INSR: variants seen among roughly 807,000 people sequenced by gnomAD.
INSR encodes insulin receptor, also known as IR.
A neutral mutation model predicts 142.6 loss-of-function variants in INSR; 67 were observed. The ratio of observed to expected loss-of-function variants is 0.47; its 90% CI spans 0.39 to 0.58. The LOEUF is 0.58. Among genes scored for constraint, INSR ranks in the 20% least tolerant of loss-of-function variants. INSR has a pLI of 0.00. For missense variants in INSR, 1,248 were observed against 1,833.2 expected, an observed-to-expected ratio of 0.68 and a Z score of 5.83; for synonymous variants, 756 against 743.1, an observed-to-expected ratio of 1.02 and a Z score of -0.28.
At chr19:7,285,842 A>G (rs1050520547) in intron 1 of INSR, among the ~76,000 whole-genome samples, 3 of 152,122 alleles carry the variant, frequency 2.0e-5, no homozygotes, top group Non-Finnish European at 4.4e-5. Flanking sequence ...TAAAGGGGTG[A>G]ATTGAGGGAG....
At chr19:7,235,945 C>T (rs1428671417) in intron 2 of INSR, among the ~76,000 whole-genome samples, 1 of 150,144 alleles carries the variant, frequency 6.7e-6, no homozygotes, top group East Asian at 1.9e-4. Flanking sequence ...AGACTCCAAC[C>T]ACTTAGGAAA....
intron 2 of INSR, among the ~76,000 whole-genome samples, chr19:7,244,111 G>C (rs758230624): frequency 1.1e-4 from 17 of 152,026 alleles, no homozygotes; most frequent in Non-Finnish European, 2.4e-4. Flanking sequence ...TAAAGTATCT[G>C]GATTCAGGGT....
At chr19:7,287,614 A>G (rs758695204) in intron 1 of INSR, among the ~76,000 whole-genome samples, 10 of 152,218 alleles carry the variant, frequency 6.6e-5, no homozygotes, top group Non-Finnish European at 1.2e-4. Context: ...AAATAAATAC[A>G]CATGGCTAAG....
chr19:7,268,767 C>T (rs1967817833), intron 1 of INSR, among the ~76,000 whole-genome samples: 2 of 144,284 alleles, frequency 1.4e-5, no homozygotes, highest in Non-Finnish European at 1.6e-5. Flanking sequence ...GTTGTTTATT[C>T]CCCCAAACAT....
At chr19:7,266,259 A>G (rs1316210365) in intron 2 of INSR, among the ~76,000 whole-genome samples, 1 of 152,206 alleles carries the variant, frequency 6.6e-6, no homozygotes, top group East Asian at 1.9e-4. Context: ...CCATTTGTCA[A>G]TCTGCACCAA....
intron 2 of INSR, among the ~76,000 whole-genome samples, chr19:7,226,118 T>C (rs1433848778): frequency 6.6e-6 from 1 of 152,212 alleles, no homozygotes; most frequent in African/African-American, 2.4e-5. Flanking sequence ...TAAAAATGTC[T>C]GAGGATCGGC....
chr19:7,212,344 C>T (rs1975300808), intron 2 of INSR, among the ~76,000 whole-genome samples: 1 of 152,130 alleles, frequency 6.6e-6, no homozygotes, highest in African/African-American at 2.4e-5. Flanking sequence ...CCCTGGCTTC[C>T]CCACAGTCAC....
At chr19:7,184,662 G>GAGAGAGA in intron 2 of INSR, 25 bp from the exon 3 acceptor site, 1 of 982,332 alleles carries the variant, frequency 1.0e-6, no homozygotes, top group African/African-American at 2.6e-5. Flanking sequence ...AGAGAGAGAG[G>GAGAGAGA]GAAATAAATA....
intron 2 of INSR, among the ~76,000 whole-genome samples, chr19:7,249,510 T>C (rs6417197): frequency 0.99 from 150,117 of 152,170 alleles, 74,150 homozygotes; most frequent in Non-Finnish European, 1. Flanking sequence ...AGATGGAACC[T>C]CATATAGCTT....
intron 2 of INSR, among the ~76,000 whole-genome samples, chr19:7,256,292 C>A (rs1310068086): frequency 6.6e-6 from 1 of 151,846 alleles, no homozygotes; most frequent in East Asian, 1.9e-4. Flanking sequence ...ACAAAAAAAA[C>A]ACAACAATTA....
Position 7,119,381 on chromosome 19 carries a change from G to A in INSR, c.3794+68C>T. On this transcript the variant is annotated intron_variant, in intron 21 of 21. Transcript: ENST00000302850. The surrounding 1 kb of genome is among the most constrained non-coding windows in gnomAD (Gnocchi z 5.2). ...GTAGACATAGGAAAGGCAAAACCAA[G>A]CACACGTGTAAAGGGCAATACCCTT... is the stretch of plus-strand genomic sequence containing the variant. The A allele has an allele frequency of 1.3e-6, 2 of 1,588,596 alleles. No individual in the cohort carries two copies. The highest frequency in any genetic ancestry group is 3.3e-4 in the Middle Eastern group (2 of 6,012).
chr19:7,191,212 G>A (rs1450830561), intron 2 of INSR, among the ~76,000 whole-genome samples: 2 of 152,034 alleles, frequency 1.3e-5, no homozygotes, highest in Admixed American at 1.3e-4. Context: ...CAGCAGAATT[G>A]CTTGAACCCG....
At chr19:7,248,485 CA>C (rs758091489) in intron 2 of INSR, among the ~76,000 whole-genome samples, 76 of 35,418 alleles carry the variant, frequency 2.1e-3, no homozygotes, top group South Asian at 2.1e-3. Flanking sequence ...GACCCCATCT[CA>C]AAAAAAAAAA....
At chr19:7,268,225 G>A (rs969888189) in intron 1 of INSR, among the ~76,000 whole-genome samples, 2 of 152,126 alleles carry the variant, frequency 1.3e-5, no homozygotes, top group African/African-American at 4.8e-5. Context: ...GGAGAAAGGG[G>A]AACTGTCTCC....
chr19:7,227,725 T>C (rs1975832286), intron 2 of INSR, among the ~76,000 whole-genome samples: 1 of 152,196 alleles, frequency 6.6e-6, no homozygotes, highest in Non-Finnish European at 1.5e-5. Flanking sequence ...ACAAAACATG[T>C]TCTCCATCAA....
intron 2 of INSR, among the ~76,000 whole-genome samples, chr19:7,208,801 C>T (rs567371419): frequency 8.0e-6 from 1 of 125,648 alleles, no homozygotes; most frequent in Non-Finnish European, 1.7e-5. Context: ...GTCAGGAAAT[C>T]GAGACCATCC....
chr19:7,145,053 G>T (rs1973158384), intron 11 of INSR, among the ~76,000 whole-genome samples: 1 of 151,808 alleles, frequency 6.6e-6, no homozygotes, highest in African/African-American at 2.4e-5. Context: ...TACTGAGTGT[G>T]ACTTCATTTT....
At position 7,128,784 on chromosome 19, in the gene INSR, A is replaced by AT. The variant is rs1972706752; in HGVS notation, c.2945+67dup. On this transcript the variant is annotated intron_variant, in intron 15 of 21. Coordinates refer to ENST00000302850, the MANE Select transcript of INSR (RefSeq NM_000208.4). ...AATAAACTTAAATATGCCTATACCT[A>AT]TATCAAGGCATGTTTTCCCCCAGAG... 7 of 1,032,896 alleles carry AT rather than the reference A, an allele frequency of 6.8e-6. No individual in the cohort carries two copies. In the Admixed American group the frequency reaches 1.0e-4, roughly 15 times the overall value. 64.0% of individuals were successfully genotyped at this position (1,032,896 alleles called of 1,614,324 possible). A position where few individuals can be genotyped will look rare whatever the true frequency, so the allele number is the denominator to read the frequency against.
At chr19:7,228,050 C>T (rs1975844424) in intron 2 of INSR, among the ~76,000 whole-genome samples, 1 of 152,100 alleles carries the variant, frequency 6.6e-6, no homozygotes, top group Admixed American at 6.6e-5. Context: ...GAAACAGCCC[C>T]AGAGGGCCCC....
Sources: gnomAD v4.1 joint callset for allele counts (sites outside exome capture counted in the v4.1 genomes callset) on GRCh38, gnomAD v4.1.1 for gene constraint, Gnocchi (gnomAD v3.1) non-coding constraint, MANE v1.5 for transcripts, NCBI Gene and HGNC (gene_info 2026-07-23, HGNC 2026-07-21) for gene names.